Variants in ZMYND8 observed in about 807,000 individuals in gnomAD.
ZMYND8 encodes zinc finger MYND-type containing 8, also known as MYND-type zinc finger-containing chromatin reader ZMYND8.
ZMYND8 carries 37 observed loss-of-function variants against 140.8 expected under a neutral mutation model. The ratio of observed to expected loss-of-function variants is 0.26; its 90% CI spans 0.20 to 0.35. The LOEUF is 0.35. Among genes scored for constraint, ZMYND8 ranks in the 10% least tolerant of loss-of-function variants. The pLI is 1.00. For synonymous variants in ZMYND8, 592 were observed against 597.1 expected (o/e 0.99, Z 0.12); for missense variants, 1,068 against 1,570.0 (o/e 0.68, Z 5.40).
At chr20:47,235,145 CTAT>C (rs1432641682) in intron 16 of ZMYND8, among the ~76,000 whole-genome samples, 2 of 152,178 alleles carry the variant, frequency 1.3e-5, no homozygotes, top group African/African-American at 2.4e-5. Flanking sequence ...AAATCAATAG[CTAT>C]TATTAAGTTA....
intron 11 of ZMYND8, among the ~76,000 whole-genome samples, chr20:47,270,393 G>A (rs73130960): frequency 7.5e-6 from 1 of 133,718 alleles, no homozygotes; most frequent in Admixed American, 8.3e-5. Context: ...AAAAAAAAAA[G>A]TTTTTTTAAT....
chr20:47,328,202 G>C (rs1313936694), intron 2 of ZMYND8, among the ~76,000 whole-genome samples: 1 of 152,176 alleles, frequency 6.6e-6, no homozygotes, highest in Non-Finnish European at 1.5e-5. Context: ...AGAGGGATCA[G>C]AGACAAGGGA....
At position 47,309,974 on chromosome 20, in the gene ZMYND8, G is replaced by A. The variant is rs778873190; in HGVS notation, c.234+82C>T. On this transcript the variant is annotated intron_variant, in intron 3 of 22. Transcript: ENST00000471951. ...GCTAACTAAATCCAAGAAAGCCGGCGCTTACAAGGATCCAGAGGTTCAGCG... is the reference window on the plus strand; with the variant it reads ...GCTAACTAAATCCAAGAAAGCCGGCACTTACAAGGATCCAGAGGTTCAGCG... The A allele has an allele frequency of 2.6e-5, 41 of 1,572,110 alleles. No individual in the cohort carries two copies. The Admixed American group carries it at 4.7e-4, about 18-fold the overall frequency.
chr20:47,309,669 G>GCAA (rs1276017428), intron 3 of ZMYND8, among the ~76,000 whole-genome samples: 2 of 151,874 alleles, frequency 1.3e-5, no homozygotes, highest in Non-Finnish European at 2.9e-5. Context: ...CTCAAGCCAA[G>GCAA]CAACCGCTTC....
At chr20:47,330,361 C>CT (rs111831182) in intron 2 of ZMYND8, among the ~76,000 whole-genome samples, 2,478 of 118,858 alleles carry the variant, frequency 0.021, 46 homozygotes, top group African/African-American at 0.04. Flanking sequence ...GGGTTTTTTG[C>CT]TTTTTTTTTT....
chr20:47,288,542 C>A (rs557349897), intron 7 of ZMYND8, among the ~76,000 whole-genome samples: 1 of 152,014 alleles, frequency 6.6e-6, no homozygotes, highest in African/African-American at 2.4e-5. Flanking sequence ...TACAGGCATG[C>A]GCCACCACAC....
chr20:47,225,999 AACTTAGCCAGGCATG>A (rs1213220549), intron 18 of ZMYND8, among the ~76,000 whole-genome samples: 1 of 151,838 alleles, frequency 6.6e-6, no homozygotes, highest in Non-Finnish European at 1.5e-5. Flanking sequence ...AAAAGTACAA[AACTTAGCCAGGCATG>A]GTGGTGCATG....
chr20:47,334,608 AT>A (rs1418581247), intron 2 of ZMYND8, among the ~76,000 whole-genome samples: 121 of 138,756 alleles, frequency 8.7e-4, no homozygotes, highest in African/African-American at 3.3e-3. Flanking sequence ...AAAAAAAAAT[AT>A]ATATATATAT....
chr20:47,259,162 G>A (rs2074974189), intron 12 of ZMYND8, among the ~76,000 whole-genome samples: 1 of 152,210 alleles, frequency 6.6e-6, no homozygotes, highest in African/African-American at 2.4e-5. Context: ...TGGCAGAGAG[G>A]AAATGTCACC....
chr20:47,248,882 C>T (rs908302937), intron 13 of ZMYND8, among the ~76,000 whole-genome samples: 8 of 152,158 alleles, frequency 5.3e-5, no homozygotes, highest in Admixed American at 1.3e-4. Context: ...AGGGTTTGCC[C>T]GGTGGGGAGG....
intron 11 of ZMYND8, among the ~76,000 whole-genome samples, chr20:47,269,570 G>A (rs188932224): frequency 9.2e-5 from 14 of 152,314 alleles, no homozygotes; most frequent in Admixed American, 9.1e-4. Flanking sequence ...ATATTTTGAT[G>A]TACAATTCAC....
chr20:47,227,277 C>T lies in ZMYND8; in HGVS notation c.2942G>A (p.Arg981His). The T allele has an allele frequency of 6.2e-7, 1 of 1,614,090 alleles. No individual in the cohort carries two copies. The highest frequency in any genetic ancestry group is 8.5e-7 in the Non-Finnish European group (1 of 1,179,976). The part of the protein sequence containing the change: ...NTTGSTIAEI[R>H]RLRIEIEKLQ... ...CTTCTCTATCTCGATCCTCAGCCTG[C>T]GAATCTGGAAGAGGGAGAGTGAGCG... The change falls in exon 18 of 23, where the codon CGC (arginine) becomes CAC (histidine). Residue 981 changes from arginine (R) to histidine (H), a missense_variant. Arg to His is a conservative substitution (Grantham distance 29, BLOSUM62 0). This residue lies in a region of ZMYND8 where 87 missense variants were observed against 151.1 expected (regional missense o/e 0.58). Coordinates refer to ENST00000471951, the MANE Select transcript of ZMYND8 (RefSeq NM_001281775.3).
intron 11 of ZMYND8, among the ~76,000 whole-genome samples, chr20:47,266,565 T>TGA (rs2075543729): frequency 6.6e-6 from 1 of 152,142 alleles, no homozygotes. Flanking sequence ...TACAGATGTT[T>TGA]GAGCCACTAC....
intron 2 of ZMYND8, among the ~76,000 whole-genome samples, chr20:47,328,441 CCTT>C (rs987330459): frequency 1.3e-5 from 2 of 152,040 alleles, no homozygotes; most frequent in Non-Finnish European, 2.9e-5. Context: ...ATCCAATAAA[CCTT>C]AACCCCTCTG....
rs768167075 is a variant in ZMYND8, at chr20:47,236,358, CATCAGCTGAGGCAGTGGCGAT to C, written c.2803_2823del (p.Ile935_Asp941del). On this transcript the variant is annotated inframe_deletion, in exon 16 of 23. Coordinates refer to ENST00000471951, the MANE Select transcript of ZMYND8 (RefSeq NM_001281775.3). The stretch of plus-strand genomic sequence containing the variant: ...GTGTACTTGGCAATATCAGCGGCGA[CATCAGCTGAGGCAGTGGCGAT>C]GGGCAGGTCAGCGTTGACTGAGGAC... 1.2e-6 allele frequency: 2 copies of C among 1,614,212 alleles called. No individual in the cohort carries two copies. Among genetic ancestry groups the C allele is most frequent in the Non-Finnish European group, 1.7e-6 (2 of 1,180,034 alleles).
chr20:47,238,310 A>G (rs955408784), intron 15 of ZMYND8: 2 of 174,428 alleles, frequency 1.1e-5, no homozygotes, highest in African/African-American at 4.8e-5. Context: ...AAAAAGAAAA[A>G]AAGGGGGGAA....
intron 2 of ZMYND8, 49 bp downstream of exon 2, chr20:47,347,807 C>T: frequency 6.3e-7 from 1 of 1,592,684 alleles, no homozygotes; most frequent in Non-Finnish European, 8.6e-7. Context: ...AAAAGAAATT[C>T]CAATTTCCTC....
chr20:47,339,273 A>C (rs1049105819), intron 2 of ZMYND8, among the ~76,000 whole-genome samples: 16 of 151,620 alleles, frequency 1.1e-4, no homozygotes, highest in Non-Finnish European at 2.4e-4. Context: ...TGCCCGGCCC[A>C]CAATTCTTCA....
rs549649439 is a variant in ZMYND8 at position 47,337,672 on chromosome 20, G to C, written c.85+10184C>G. Among the ~76,000 whole-genome samples the C allele has an allele frequency of 2.0e-5, 3 of 152,206 alleles. No individual in the cohort carries two copies. The South Asian group carries it at 6.2e-4, about 32-fold the overall frequency. On this transcript the variant is annotated intron_variant, in intron 2 of 22. Coordinates refer to ENST00000471951, the MANE Select transcript of ZMYND8 (RefSeq NM_001281775.3). The stretch of plus-strand genomic sequence containing the variant: ...AGTAATTTGCATATCATGCCATGAA[G>C]TACTCAGAAAATATTAGCCACGCAA...
Sources: allele counts gnomAD v4.1 joint callset (sites outside exome capture counted in the v4.1 genomes callset), GRCh38; gene constraint gnomAD v4.1.1; regional missense constraint gnomAD v4.1.1; transcripts MANE v1.5; gene names NCBI Gene and HGNC (gene_info 2026-07-23, HGNC 2026-07-21).